Variants in FRMD6 observed in about 807,000 individuals in gnomAD.
The protein encoded by FRMD6 is FERM domain-containing protein 6.
FRMD6 carries 37 observed loss-of-function variants against 73.2 expected under a neutral mutation model. That is an observed-to-expected ratio of 0.51 (90% CI 0.39 to 0.66). FRMD6 has a LOEUF of 0.66. Among genes scored for constraint, FRMD6 ranks in the 30% least tolerant of loss-of-function variants. The pLI, the probability that FRMD6 is intolerant of heterozygous loss-of-function variation, is 0.00. For missense variants in FRMD6, 714 were observed against 780.5 expected (o/e 0.91, Z 1.02); for synonymous variants, 273 against 282.2 (o/e 0.97, Z 0.33).
chr14:51,647,512 T>G (rs1023981266), upstream of FRMD6, among the ~76,000 whole-genome samples: 1 of 152,204 alleles, frequency 6.6e-6, no homozygotes, highest in Non-Finnish European at 1.5e-5. Flanking sequence ...TAAGTTTCCA[T>G]GTGAGATTAT....
At chr14:51,398,210 A>G in the FRMD6 span, among the ~76,000 whole-genome samples, 1 of 152,186 alleles carries the variant, frequency 6.6e-6, no homozygotes, top group African/African-American at 2.4e-5. Context: ...GCTTTGGTCT[A>G]TTTCCTTGCT....
At chr14:51,499,332 T>C (rs1883475092) in intron 1 of FRMD6, among the ~76,000 whole-genome samples, 1 of 152,234 alleles carries the variant, frequency 6.6e-6, no homozygotes, top group Non-Finnish European at 1.5e-5. Flanking sequence ...AATTGAGGTA[T>C]GAATGGCCCA....
chr14:51,659,819 A>G (rs183829039), intron 1 of FRMD6, among the ~76,000 whole-genome samples: 4 of 152,330 alleles, frequency 2.6e-5, no homozygotes, highest in African/African-American at 7.2e-5. Context: ...CTTTATTCCC[A>G]ACCCCTAACC....
intron 7 of FRMD6, among the ~76,000 whole-genome samples, chr14:51,708,880 T>C (rs373825934): frequency 1.3e-5 from 2 of 152,158 alleles, no homozygotes; most frequent in Non-Finnish European, 2.9e-5. Flanking sequence ...CCTAAGGCAC[T>C]GTATTCCACA....
At chr14:51,586,985 G>A (rs913434973) in intron 2 of FRMD6, among the ~76,000 whole-genome samples, 1 of 152,144 alleles carries the variant, frequency 6.6e-6, no homozygotes, top group Non-Finnish European at 1.5e-5. Context: ...TAAACTCCTG[G>A]GCTCAAGCAA....
chr14:51,649,254 G>A (rs1414911772), upstream of FRMD6, among the ~76,000 whole-genome samples: 2 of 152,084 alleles, frequency 1.3e-5, no homozygotes. Flanking sequence ...TTAACTAAGA[G>A]TCTCTGTTTA....
the FRMD6 span, among the ~76,000 whole-genome samples, chr14:51,458,587 T>C: frequency 6.6e-6 from 1 of 152,196 alleles, no homozygotes; most frequent in East Asian, 1.9e-4. Context: ...CCAGAACCAA[T>C]TGGCTGTTTG....
At chr14:51,610,175 C>A (rs764209579) in intron 2 of FRMD6, among the ~76,000 whole-genome samples, 1 of 152,088 alleles carries the variant, frequency 6.6e-6, no homozygotes, top group Non-Finnish European at 1.5e-5. Context: ...CCCAGGGCAG[C>A]CCTCGGCCAA....
chr14:51,692,349 T>G (rs1402767437), intron 2 of FRMD6, among the ~76,000 whole-genome samples: 1 of 152,252 alleles, frequency 6.6e-6, no homozygotes, highest in African/African-American at 2.4e-5. Context: ...ATATTTTGTT[T>G]TACTTTTTAT....
intron 10 of FRMD6, among the ~76,000 whole-genome samples, 167 bp downstream of exon 10, chr14:51,715,666 G>GTTA (rs1897199805): frequency 6.6e-6 from 1 of 152,162 alleles, no homozygotes; most frequent in African/African-American, 2.4e-5. Flanking sequence ...AAGGCAAAGG[G>GTTA]TTAGGCTTGA....
intron 1 of FRMD6, among the ~76,000 whole-genome samples, chr14:51,489,886 TA>T (rs1313007824): frequency 6.6e-6 from 1 of 152,212 alleles, no homozygotes; most frequent in African/African-American, 2.4e-5. Flanking sequence ...TGACTTCTTG[TA>T]AGACACCATC....
the FRMD6 span, among the ~76,000 whole-genome samples, chr14:51,449,944 G>A: frequency 6.6e-6 from 1 of 152,172 alleles, no homozygotes; most frequent in Non-Finnish European, 1.5e-5. Context: ...TGATGGCAGC[G>A]ATTTCCATCT....
chr14:51,460,208 C>T, the FRMD6 span, among the ~76,000 whole-genome samples: 2 of 152,110 alleles, frequency 1.3e-5, no homozygotes, highest in Non-Finnish European at 2.9e-5. Flanking sequence ...ATTAGAAATA[C>T]ATTAAATAAT....
chr14:51,465,904 C>G, the FRMD6 span, among the ~76,000 whole-genome samples: 1 of 152,104 alleles, frequency 6.6e-6, no homozygotes, highest in Admixed American at 6.5e-5. Context: ...GTGGTTGTAC[C>G]ATTTAATCTT....
chr14:51,498,439 A>C (rs528888518), intron 1 of FRMD6, among the ~76,000 whole-genome samples: 1 of 149,926 alleles, frequency 6.7e-6, no homozygotes, highest in East Asian at 2.0e-4. Context: ...TTGCAGAGTA[A>C]CAAGTGATTC....
intron 1 of FRMD6, among the ~76,000 whole-genome samples, chr14:51,653,581 T>C (rs1425234887): frequency 6.6e-6 from 1 of 152,162 alleles, no homozygotes; most frequent in Non-Finnish European, 1.5e-5. Context: ...ATGAGACTAT[T>C]GTAGAAATTT....
intron 1 of FRMD6, among the ~76,000 whole-genome samples, chr14:51,657,871 C>G (rs1192818027): frequency 6.6e-6 from 1 of 152,088 alleles, no homozygotes. Flanking sequence ...GGAAGGAGGC[C>G]TTAGGTGACA....
At chr14:51,602,878 A>G (rs1890093795) in intron 2 of FRMD6, among the ~76,000 whole-genome samples, 1 of 152,244 alleles carries the variant, frequency 6.6e-6, no homozygotes, top group Admixed American at 6.5e-5. Context: ...CTTCATGCTA[A>G]CCATGTGGTA....
intron 2 of FRMD6, among the ~76,000 whole-genome samples, chr14:51,610,888 T>C (rs1890464905): frequency 6.6e-6 from 1 of 152,224 alleles, no homozygotes; most frequent in Non-Finnish European, 1.5e-5. Flanking sequence ...CTGATGGCTA[T>C]GACTTTGACT....
Sources: gnomAD v4.1 joint callset for allele counts (sites outside exome capture counted in the v4.1 genomes callset) on GRCh38, gnomAD v4.1.1 for gene constraint, MANE v1.5 for transcripts, NCBI Gene and HGNC (gene_info 2026-07-23, HGNC 2026-07-21) for gene names.